Variants in SEC24A observed in about 807,000 individuals in gnomAD.
SEC24A encodes the protein SEC24 homolog A, COPII component.
SEC24A carries 93 observed loss-of-function variants against 129.4 expected under a neutral mutation model. That is an observed-to-expected ratio of 0.72 (90% confidence interval 0.61 to 0.85). The LOEUF (loss-of-function observed/expected upper bound fraction) is 0.85. Ranked by LOEUF, SEC24A falls within the 40% of genes least tolerant of loss-of-function variation. SEC24A has a pLI of 0.00. For synonymous variants in SEC24A, 460 were observed against 467.3 expected, an observed-to-expected ratio of 0.98 and a Z score of 0.20; for missense variants, 1,264 against 1,307.4, an observed-to-expected ratio of 0.97 and a Z score of 0.51.
chr5:134,686,735 A>T, intron 9 of SEC24A, 55 bp from the exon 10 acceptor site: 1 of 1,041,596 alleles, frequency 9.6e-7, no homozygotes. Context: ...TACCCAGCAA[A>T]TAAGTTTAAA....
intron 20 of SEC24A, 128 bp from the exon 21 acceptor site, chr5:134,720,870 C>G: frequency 9.4e-6 from 5 of 530,838 alleles, no homozygotes; most frequent in Non-Finnish European, 1.3e-5. Flanking sequence ...CCACTGCACT[C>G]CAGCCTGGGT....
At position 134,682,135 on chromosome 5, in the gene SEC24A, C is replaced by T. The variant is rs1466439015; in HGVS notation, c.1382-238C>T. ...GCGCATGCCTGTAATCCTAGCTACT[C>T]GGGAGGCTGAGGCAGGAGAATCGCT... On this transcript the variant is annotated intron_variant, in intron 8 of 22. Coordinates refer to ENST00000398844, the MANE Select transcript of SEC24A (RefSeq NM_021982.3). Among the ~76,000 whole-genome samples, 3 of 151,692 alleles carry T rather than the reference C, an allele frequency of 2.0e-5. No individual in the cohort carries two copies. The East Asian group carries it at 5.8e-4, about 29-fold the overall frequency.
chr5:134,648,826 G>T lies in SEC24A; in HGVS notation c.-251G>T. ...TCCCTCCTTCTCTCTAGGTTTGGCTGCCGCCTTCTAGCCGGGCGTTCGCGG... is the reference window on the plus strand; with the variant it reads ...TCCCTCCTTCTCTCTAGGTTTGGCTTCCGCCTTCTAGCCGGGCGTTCGCGG... On this transcript the variant is annotated 5_prime_UTR_variant, in exon 1 of 23. Coordinates refer to ENST00000398844, the MANE Select transcript of SEC24A (RefSeq NM_021982.3). 1 of 356,876 alleles carries T rather than the reference G, an allele frequency of 2.8e-6. No homozygotes were observed. Among genetic ancestry groups the T allele is most frequent in the East Asian group, 4.5e-5 (1 of 22,222 alleles). The allele number at this position is 356,876 out of a possible 1,614,324, so 22.1% of individuals were successfully genotyped here. A position where few individuals can be genotyped will look rare whatever the true frequency, so the allele number is the denominator to read the frequency against.
chr5:134,701,779 G>A (rs1402914612), intron 15 of SEC24A, among the ~76,000 whole-genome samples: 1 of 152,090 alleles, frequency 6.6e-6, no homozygotes, highest in African/African-American at 2.4e-5. Flanking sequence ...AAAGTGCTGG[G>A]ATTACAGGTG....
intron 9 of SEC24A, among the ~76,000 whole-genome samples, chr5:134,686,513 A>C (rs58669434): frequency 1.3e-3 from 191 of 152,336 alleles, no homozygotes; most frequent in African/African-American, 4.4e-3. Context: ...CTGGGATTAC[A>C]GGCATGAGCC....
At chr5:134,664,654 A>G (rs1483894722) in intron 2 of SEC24A, among the ~76,000 whole-genome samples, 5 of 152,090 alleles carry the variant, frequency 3.3e-5, no homozygotes, top group Non-Finnish European at 7.4e-5. Flanking sequence ...TGACTTGTCT[A>G]TACTGCCATA....
intron 7 of SEC24A, among the ~76,000 whole-genome samples, chr5:134,677,919 A>AC (rs1397225567): frequency 1.2e-4 from 19 of 152,258 alleles, no homozygotes; most frequent in African/African-American, 4.3e-4. Context: ...GCTCTCAGTT[A>AC]AGTTGATCAG....
Position 134,697,993 on chromosome 5 carries a change from A to T in SEC24A, c.2202A>T (p.Glu734Asp), listed in dbSNP as rs770430509. 12 of 1,613,940 alleles carry T rather than the reference A, an allele frequency of 7.4e-6. No individual in the cohort carries two copies. The South Asian group carries it at 1.3e-4, about 18-fold the overall frequency. ...NPVQVQKLQK[E>D]LQRYLTRKIG... ...TCCAAGTACAGAAATTACAGAAGGA[A>T]CTACAGAGATACCTTACTCGGAAGA... is the stretch of plus-strand genomic sequence containing the variant. Residue 734 changes from glutamate to aspartate, a missense_variant, in exon 15 of 23, where the codon GAA becomes GAT. Coordinates refer to ENST00000398844, the MANE Select transcript of SEC24A (RefSeq NM_021982.3).
chr5:134,698,185 G>A, intron 15 of SEC24A, 128 bp downstream of exon 15: 2 of 733,010 alleles, frequency 2.7e-6, no homozygotes, highest in South Asian at 4.0e-5. Context: ...ATGCAATTAA[G>A]AGGAGAGAAG....
intron 10 of SEC24A, among the ~76,000 whole-genome samples, chr5:134,687,957 G>C (rs546032727): frequency 1.3e-5 from 2 of 152,054 alleles, no homozygotes; most frequent in African/African-American, 4.8e-5. Flanking sequence ...TTGGATTGTT[G>C]TATTATTGCT....
At chr5:134,662,181 GTCTC>G (rs934075865) in intron 2 of SEC24A, among the ~76,000 whole-genome samples, 30 of 151,610 alleles carry the variant, frequency 2.0e-4, no homozygotes, top group Non-Finnish European at 3.8e-4. Flanking sequence ...TTGAGACGGA[GTCTC>G]TCTCTGTCGC....
chr5:134,709,464 T>G (rs1580734042), intron 18 of SEC24A, among the ~76,000 whole-genome samples: 1 of 152,210 alleles, frequency 6.6e-6, no homozygotes, highest in Admixed American at 6.5e-5. Flanking sequence ...AAAATTCAAC[T>G]GATAATCAGT....
chr5:134,713,122 G>T (rs981397389), intron 18 of SEC24A, among the ~76,000 whole-genome samples: 1 of 151,274 alleles, frequency 6.6e-6, no homozygotes, highest in African/African-American at 2.4e-5. Context: ...TAGTAGAGAC[G>T]GGGTTTCACC....
intron 1 of SEC24A, among the ~76,000 whole-genome samples, chr5:134,651,816 A>G (rs1481245314): frequency 6.6e-6 from 1 of 152,038 alleles, no homozygotes; most frequent in African/African-American, 2.4e-5. Flanking sequence ...GGGATATGGT[A>G]TCAAGTTGGA....
rs748987034 is a variant in SEC24A, at chr5:134,661,483, T to C, written c.462T>C (p.Arg154=). The stretch of plus-strand genomic sequence containing the variant: ...CCTCACAAACAAACCATTGTCCTCG[T>C]GCATCATCCCAACCAACTGTATCTG... The part of the protein sequence containing the change: ...STASQTNHCP[R]ASSQPTVSGN... Residue 154 remains arginine (R), a synonymous_variant, in exon 2 of 23, where the codon CGT becomes CGC. Transcript: ENST00000398844. 6.2e-7 allele frequency: 1 copy of C among 1,614,216 alleles called. No homozygotes were observed. Among genetic ancestry groups the C allele is most frequent in the South Asian group, 1.1e-5 (1 of 91,092 alleles).
At chr5:134,718,221 T>G in intron 20 of SEC24A, 48 bp downstream of exon 20, 1 of 1,332,464 alleles carries the variant, frequency 7.5e-7, no homozygotes. Flanking sequence ...TACTATACTG[T>G]TTTAATTTAG....
chr5:134,654,455 C>T (rs964575076), intron 1 of SEC24A, among the ~76,000 whole-genome samples: 38 of 152,148 alleles, frequency 2.5e-4, no homozygotes, highest in Non-Finnish European at 4.7e-4. Flanking sequence ...TTCCTGACCT[C>T]GTGATCTGCC....
chr5:134,652,689 G>A lies in SEC24A; in HGVS notation c.97+3516G>A, dbSNP rs537680687. On this transcript the variant is annotated intron_variant, in intron 1 of 22. Coordinates refer to ENST00000398844, the MANE Select transcript of SEC24A (RefSeq NM_021982.3). The stretch of plus-strand genomic sequence containing the variant: ...TGCAACCTCCACCTCCCAGGTTCAA[G>A]CGATTCTCCTGCCTCAGCTTCCCGA... Among the ~76,000 whole-genome samples, 3 of 152,340 alleles carry A rather than the reference G, an allele frequency of 2.0e-5. 1 individual carries two copies. In the South Asian group the frequency reaches 6.2e-4, roughly 32 times the overall value.
chr5:134,675,946 C>T, intron 6 of SEC24A, 77 bp from the exon 7 acceptor site: 1 of 990,018 alleles, frequency 1.0e-6, no homozygotes, highest in South Asian at 1.6e-5. Flanking sequence ...AAAATGTATA[C>T]CTTTTAAATC....
Sources: allele counts gnomAD v4.1 joint callset (sites outside exome capture counted in the v4.1 genomes callset), GRCh38; gene constraint gnomAD v4.1.1; transcripts MANE v1.5; gene names NCBI Gene and HGNC (gene_info 2026-07-23, HGNC 2026-07-21).